Variants in ADGRG2 observed in about 807,000 individuals in gnomAD.
ADGRG2 encodes the protein adhesion G protein-coupled receptor G2.
Under a neutral mutation model 74.1 loss-of-function variants are expected in ADGRG2, and 26 were observed. The observed-to-expected ratio is 0.35, with a 90% confidence interval of 0.26 to 0.49. The LOEUF is 0.49. Among genes scored for constraint, ADGRG2 ranks in the 20% least tolerant of loss-of-function variants. ADGRG2 has a pLI of 0.99. For missense variants in ADGRG2, 619 were observed against 763.1 expected, an observed-to-expected ratio of 0.81 and a Z score of 2.22; for synonymous variants, 296 against 295.2, an observed-to-expected ratio of 1.00 and a Z score of -0.03.
In ADGRG2 at chrX:19,092,625, A is replaced by T. The variant is rs765245621; in HGVS notation, c.-46-9879T>A. Among the ~76,000 whole-genome samples, 3 of 111,567 alleles carry T rather than the reference A, an allele frequency of 2.7e-5. No individual in the cohort carries two copies. In the South Asian group the frequency reaches 1.1e-3, roughly 42 times the overall value. ...CTGCAGCTCCAAGTGGGGTATGCAC[A>T]GTCCCTTTTTACCTGCTCTTACCCT... is the stretch of plus-strand genomic sequence containing the variant. On this transcript the variant is annotated intron_variant, in intron 1 of 28. Coordinates refer to ENST00000379869, the MANE Select transcript of ADGRG2 (RefSeq NM_001079858.3).
intron 14 of ADGRG2, among the ~76,000 whole-genome samples, chrX:19,020,236 C>CA (rs1319302293): frequency 1.8e-5 from 2 of 111,543 alleles, no homozygotes; most frequent in Non-Finnish European, 3.8e-5. Flanking sequence ...GTTCTTACCA[C>CA]AAAAAATGAT....
rs773916902 is a variant in ADGRG2, at chrX:19,019,661, G to A, written c.648C>T (p.His216=). ...LERVKIRPME[H]CCCSVRIPCP... The stretch of plus-strand genomic sequence containing the variant: ...AGGGTATCCTGACAGAACAGCAGCA[G>A]TGTTCTAGGAGAGACAAAAGGAAAA... The change falls in exon 15 of 29, where the codon CAC becomes CAT. Residue 216 remains histidine, a synonymous_variant. Coordinates refer to ENST00000379869, the MANE Select transcript of ADGRG2 (RefSeq NM_001079858.3). 2.6e-6 allele frequency: 3 copies of A among 1,145,181 alleles called. No individual in the cohort carries two copies. Among genetic ancestry groups the A allele is most frequent in the Non-Finnish European group, 2.4e-6 (2 of 836,720 alleles). The allele number at this position is 1,145,181 out of a possible 1,213,427, so 94.4% of individuals were successfully genotyped here. A position where few individuals can be genotyped will look rare whatever the true frequency, so the allele number is the denominator to read the frequency against.
chrX:18,994,347 G>A (rs1350541211), intron 28 of ADGRG2, among the ~76,000 whole-genome samples: 1 of 110,591 alleles, frequency 9.0e-6, no homozygotes, highest in Admixed American at 9.7e-5. Context: ...AAATTAGCTG[G>A]GCATCGTGGC....
chrX:18,992,904 A>C (rs1267146016), intron 28 of ADGRG2, among the ~76,000 whole-genome samples: 2 of 112,030 alleles, frequency 1.8e-5, no homozygotes, highest in African/African-American at 6.5e-5. Context: ...GAATATGGAC[A>C]AATCTGGTTT....
In ADGRG2 at chrX:19,004,743, G is replaced by C; in HGVS notation, c.1961+15C>G. The C allele has an allele frequency of 8.3e-7, 1 of 1,203,332 alleles. No homozygotes were observed. Among genetic ancestry groups the C allele is most frequent in the Non-Finnish European group, 1.1e-6 (1 of 891,007 alleles). ...GCTGAGTCCTAAATCCAAATTTCCG[G>C]TTGTGGATACTCACTCAAAAGCTAT... On this transcript the variant is annotated intron_variant, in intron 23 of 28. Transcript: ENST00000379869.
chrX:19,076,634 T>C (rs1291516477), intron 2 of ADGRG2, among the ~76,000 whole-genome samples: 2 of 111,248 alleles, frequency 1.8e-5, no homozygotes, highest in East Asian at 5.6e-4. Context: ...CCAGATGTGG[T>C]GGCTGGCACC....
intron 1 of ADGRG2, among the ~76,000 whole-genome samples, chrX:19,091,632 A>T (rs1228809503): frequency 1.8e-5 from 2 of 111,652 alleles, no homozygotes; most frequent in Non-Finnish European, 3.8e-5. Flanking sequence ...GGGCCTGCAG[A>T]TCTTTTCTGC....
chrX:19,018,289 G>A (rs909229072), intron 15 of ADGRG2, among the ~76,000 whole-genome samples: 5 of 107,993 alleles, frequency 4.6e-5, no homozygotes, highest in Non-Finnish European at 7.6e-5. Context: ...TTGTTTGTTT[G>A]TTTGTTTTTT....
At chrX:19,004,143 C>T (rs776267203) in intron 23 of ADGRG2, among the ~76,000 whole-genome samples, 25 of 111,873 alleles carry the variant, frequency 2.2e-4, no homozygotes, top group Admixed American at 3.8e-4. Context: ...TGTTTCGATT[C>T]GTTAATGCAA....
intron 1 of ADGRG2, among the ~76,000 whole-genome samples, chrX:19,108,146 A>G (rs759930303): frequency 1.7e-4 from 18 of 108,967 alleles, no homozygotes; most frequent in Non-Finnish European, 3.4e-4. Context: ...AAAGTGTAAA[A>G]ACAACTAATG....
In ADGRG2 at chrX:19,052,707, C is replaced by T. The variant is rs1403788973; in HGVS notation, c.119-12483G>A. Among the ~76,000 whole-genome samples, 4 of 104,419 alleles carry T rather than the reference C, an allele frequency of 3.8e-5. No homozygotes were observed. In the Admixed American group the frequency reaches 4.1e-4, roughly 11 times the overall value. The allele number at this position is 104,419 out of a possible 115,157, so 90.7% of individuals were successfully genotyped here. A position where few individuals can be genotyped will look rare whatever the true frequency, so the allele number is the denominator to read the frequency against. ...TTACCATCTTAACCTTTTTTTTTTC[C>T]AAGATGGAGTCTCATTCTGTTGCCC... On this transcript the variant is annotated intron_variant, in intron 3 of 28. Transcript: ENST00000379869.
intron 24 of ADGRG2, 140 bp downstream of exon 24, chrX:19,002,705 CA>C: frequency 3.7e-6 from 2 of 543,975 alleles, no homozygotes. Flanking sequence ...GCTCTTCGGG[CA>C]GTGCACATGT....
At chrX:19,015,720 GAAAC>G (rs1034347059) in intron 15 of ADGRG2, among the ~76,000 whole-genome samples, 7 of 111,613 alleles carry the variant, frequency 6.3e-5, no homozygotes, top group African/African-American at 2.3e-4. Context: ...CTCTGTCTCA[GAAAC>G]AAACAAACAA....
chrX:19,030,763 ATTAAGG>A (rs1366261131), intron 9 of ADGRG2, among the ~76,000 whole-genome samples: 1 of 112,389 alleles, frequency 8.9e-6, no homozygotes, highest in Non-Finnish European at 1.9e-5. Flanking sequence ...TATGTCTCAT[ATTAAGG>A]AAGTTAATCC....
At chrX:19,105,304 T>C (rs2062264559) in intron 1 of ADGRG2, among the ~76,000 whole-genome samples, 1 of 112,181 alleles carries the variant, frequency 8.9e-6, no homozygotes, top group Admixed American at 9.5e-5. Flanking sequence ...GTACAAATTA[T>C]ACACAAGGCC....
chrX:19,065,901 G>A (rs917788451), intron 3 of ADGRG2, among the ~76,000 whole-genome samples: 7 of 112,374 alleles, frequency 6.2e-5, no homozygotes, highest in African/African-American at 2.3e-4. Flanking sequence ...AGGCTGGAGT[G>A]CAATGGCATG....
intron 24 of ADGRG2, 31 bp from the exon 25 acceptor site, chrX:18,999,991 A>ATTTT (rs754958892): frequency 1.1e-4 from 60 of 566,383 alleles, no homozygotes; most frequent in Middle Eastern, 5.5e-4. Flanking sequence ...GTCACACCTA[A>ATTTT]TTTTTTTTTT....
At position 19,108,571 on chromosome X, in the gene ADGRG2, G is replaced by A. The variant is rs769692095; in HGVS notation, c.-47+13871C>T. Among the ~76,000 whole-genome samples, 5 of 112,239 alleles carry A rather than the reference G, an allele frequency of 4.5e-5. No homozygotes were observed. The South Asian group carries it at 1.8e-3, about 41-fold the overall frequency. On this transcript the variant is annotated intron_variant, in intron 1 of 28. Transcript: ENST00000379869. ...GGATAAACCATGGTAATCATGCAAC[G>A]GAATATTATTCGGCAGTGACAATCA... is the stretch of plus-strand genomic sequence containing the variant.
intron 1 of ADGRG2, among the ~76,000 whole-genome samples, chrX:19,084,444 C>T (rs1294869980): frequency 9.0e-6 from 1 of 111,102 alleles, no homozygotes; most frequent in African/African-American, 3.3e-5. Context: ...ACCTGCACAT[C>T]CTGCACATGT....
Sources: allele counts gnomAD v4.1 joint callset (sites outside exome capture counted in the v4.1 genomes callset), GRCh38; gene constraint gnomAD v4.1.1; transcripts MANE v1.5; gene names NCBI Gene and HGNC (gene_info 2026-07-23, HGNC 2026-07-21).